The following TTC23L variants were observed in gnomAD, a reference collection of about 807,000 sequenced individuals.
TTC23L encodes the protein tetratricopeptide repeat domain 23 like.
A neutral mutation model predicts 48.1 loss-of-function variants in TTC23L; 42 were observed. The observed-to-expected ratio is 0.87, with a 90% CI of 0.68 to 1.13. The LOEUF is 1.13. TTC23L is among the 50% of genes most tolerant of loss of function. The probability of loss-of-function intolerance (pLI) is 0.00; values close to 1 mark genes in which losing one functional copy is unlikely to be tolerated. For synonymous variants in TTC23L, 159 were observed against 157.2 expected, an observed-to-expected ratio of 1.01 and a Z score of -0.09; for missense variants, 391 against 421.0, an observed-to-expected ratio of 0.93 and a Z score of 0.62.
chr5:34,871,026 C>G (rs903092715), intron 8 of TTC23L, among the ~76,000 whole-genome samples: 4 of 152,104 alleles, frequency 2.6e-5, no homozygotes, highest in African/African-American at 9.7e-5. Flanking sequence ...GACTGAGTAC[C>G]CCTTAAGATC....
chr5:34,922,557 C>T, the TTC23L span: 38 of 1,608,664 alleles, frequency 2.4e-5, no homozygotes, highest in Admixed American at 3.2e-4. Flanking sequence ...ATTCACCTCA[C>T]GGACCATCTG....
At chr5:34,840,781 C>T (rs1448616019) in intron 2 of TTC23L, 42 bp downstream of exon 2, 1 of 1,579,034 alleles carries the variant, frequency 6.3e-7, no homozygotes, top group African/African-American at 1.3e-5. Context: ...ACTTACTGGG[C>T]TGAAACACTG....
At chr5:34,867,101 T>G (rs754355898) in intron 7 of TTC23L, 32 bp downstream of exon 7, 2 of 1,592,132 alleles carry the variant, frequency 1.3e-6, no homozygotes, top group South Asian at 2.3e-5. Flanking sequence ...CAGGCTGGGT[T>G]GCCTTGTTTG....
At chr5:34,840,502 G>A (rs1486999005) in intron 1 of TTC23L, among the ~76,000 whole-genome samples, 163 bp from the exon 2 acceptor site, 1 of 152,200 alleles carries the variant, frequency 6.6e-6, no homozygotes, top group Non-Finnish European at 1.5e-5. Context: ...GCAAATGTCT[G>A]TTTTCCAGCG....
chr5:34,840,241 G>GGGC (rs1554016500), intron 1 of TTC23L, among the ~76,000 whole-genome samples: 1 of 142,788 alleles, frequency 7.0e-6, no homozygotes, highest in African/African-American at 2.6e-5. Context: ...TGACCCCGGG[G>GGGC]GGGGGGGGGA....
intron 4 of TTC23L, among the ~76,000 whole-genome samples, chr5:34,854,709 C>T (rs1231627955): frequency 6.6e-6 from 1 of 152,162 alleles, no homozygotes; most frequent in East Asian, 1.9e-4. Context: ...TTTCCAGCAG[C>T]CAAAAGGCTA....
At chr5:34,881,976 G>T (rs867985586) in intron 9 of TTC23L, among the ~76,000 whole-genome samples, 3 of 151,942 alleles carry the variant, frequency 2.0e-5, no homozygotes, top group Non-Finnish European at 4.4e-5. Context: ...GGCTGGTCTC[G>T]AACTCCCACC....
chr5:34,913,403 T>C, the TTC23L span: 1 of 889,458 alleles, frequency 1.1e-6, no homozygotes, highest in Non-Finnish European at 1.6e-6. Flanking sequence ...ATGTTCCAAA[T>C]AACTTCCTGT....
At chr5:34,917,187 A>G in the TTC23L span, among the ~76,000 whole-genome samples, 2 of 152,204 alleles carry the variant, frequency 1.3e-5, no homozygotes, top group African/African-American at 4.8e-5. Context: ...ATGCTGAAAA[A>G]TGTAAAAAAT....
At chr5:34,865,685 G>A (rs555885342) in intron 6 of TTC23L, among the ~76,000 whole-genome samples, 20 of 152,274 alleles carry the variant, frequency 1.3e-4, no homozygotes, top group African/African-American at 4.8e-4. Flanking sequence ...CCACATGACA[G>A]CCAATGAGGG....
intron 9 of TTC23L, among the ~76,000 whole-genome samples, chr5:34,891,422 T>C (rs1762859439): frequency 6.6e-6 from 1 of 152,230 alleles, no homozygotes; most frequent in African/African-American, 2.4e-5. Flanking sequence ...GTCTATAACA[T>C]GCATAGTACA....
the TTC23L span, among the ~76,000 whole-genome samples, chr5:34,904,487 G>A: frequency 2.0e-5 from 3 of 151,566 alleles, no homozygotes; most frequent in South Asian, 4.2e-4. Context: ...CCAACTACTC[G>A]GGAGGCTGAG....
At chr5:34,843,649 C>T (rs1580412718) in intron 2 of TTC23L, among the ~76,000 whole-genome samples, 1 of 152,190 alleles carries the variant, frequency 6.6e-6, no homozygotes, top group East Asian at 1.9e-4. Flanking sequence ...GCAAAATTTG[C>T]TATTGAGATA....
the TTC23L span, among the ~76,000 whole-genome samples, chr5:34,923,723 T>G: frequency 6.6e-6 from 1 of 152,174 alleles, no homozygotes; most frequent in African/African-American, 2.4e-5. Flanking sequence ...TAGTTAAACT[T>G]TTAGATAAGG....
intron 2 of TTC23L, among the ~76,000 whole-genome samples, chr5:34,841,305 C>T (rs1758652086): frequency 6.6e-6 from 1 of 152,108 alleles, no homozygotes; most frequent in Non-Finnish European, 1.5e-5. Flanking sequence ...TCGTCTAATA[C>T]TTATTGAGCA....
intron 4 of TTC23L, among the ~76,000 whole-genome samples, chr5:34,857,699 T>C (rs1352533098): frequency 1.3e-5 from 2 of 152,210 alleles, no homozygotes; most frequent in African/African-American, 4.8e-5. Context: ...TCAGGTACTA[T>C]TTAATCCTTT....
intron 4 of TTC23L, among the ~76,000 whole-genome samples, chr5:34,853,533 G>A (rs1017080563): frequency 2.6e-5 from 4 of 151,968 alleles, no homozygotes; most frequent in East Asian, 3.9e-4. Flanking sequence ...CTGTAGTAGT[G>A]TGTAGAAAGA....
downstream of TTC23L, among the ~76,000 whole-genome samples, chr5:34,899,785 G>T (rs1291366880): frequency 6.6e-6 from 1 of 152,116 alleles, no homozygotes; most frequent in African/African-American, 2.4e-5. Context: ...CTAGCTACTC[G>T]GGAGGCTGAG....
At chr5:34,852,893 C>A (rs965025358) in intron 4 of TTC23L, among the ~76,000 whole-genome samples, 1 of 152,138 alleles carries the variant, frequency 6.6e-6, no homozygotes, top group Non-Finnish European at 1.5e-5. Flanking sequence ...GCACATCTAA[C>A]GTGGCGGCTG....
Sources: allele counts gnomAD v4.1 joint callset (sites outside exome capture counted in the v4.1 genomes callset), GRCh38; gene constraint gnomAD v4.1.1; transcripts MANE v1.5; gene names NCBI Gene and HGNC (gene_info 2026-07-23, HGNC 2026-07-21).